Variants in ADGRF1 observed in about 807,000 individuals in gnomAD.
ADGRF1 encodes adhesion G protein-coupled receptor F1, also known as G protein-coupled receptor 110.
A neutral mutation model predicts 87.2 loss-of-function variants in ADGRF1; 85 were observed. That is an observed-to-expected ratio of 0.97 (90% confidence interval 0.82 to 1.17). The LOEUF is 1.17. Among genes scored for constraint, ADGRF1 ranks in the 50% most tolerant of loss-of-function variants. The pLI is 0.00. For synonymous variants in ADGRF1, 430 were observed against 408.8 expected, an observed-to-expected ratio of 1.05 and a Z score of -0.63; for missense variants, 1,169 against 1,077.2, an observed-to-expected ratio of 1.09 and a Z score of -1.19.
rs1186934760 is a variant in ADGRF1 at position 47,012,316 on chromosome 6, T to C, written c.928-121A>G. 4 of 1,456,240 alleles carry C rather than the reference T, an allele frequency of 2.7e-6. No homozygotes were observed. In the East Asian group the frequency reaches 9.6e-5, roughly 35 times the overall value. 90.2% of individuals were successfully genotyped at this position (1,456,240 alleles called of 1,614,324 possible). A position where few individuals can be genotyped will look rare whatever the true frequency, so the allele number is the denominator to read the frequency against. ...TATGGTGTGTTCTAATGTAGGATAA[T>C]TACATAACAATAGTAACAAAGGCTG... On this transcript the variant is annotated intron_variant, in intron 9 of 14. Transcript: ENST00000371253.
intron 13 of ADGRF1, among the ~76,000 whole-genome samples, chr6:47,003,759 T>G (rs2113874905): frequency 6.6e-6 from 1 of 152,266 alleles, no homozygotes; most frequent in South Asian, 2.1e-4. Context: ...CTCCCTAAAA[T>G]GTATAAAATC....
chr6:47,004,504 CTTTTGT>C (rs2113875551), intron 13 of ADGRF1, among the ~76,000 whole-genome samples: 1 of 152,144 alleles, frequency 6.6e-6, no homozygotes, highest in South Asian at 2.1e-4. Flanking sequence ...CTTGCTTTTG[CTTTTGT>C]TTTATTTTAC....
rs2113871981 is a variant in ADGRF1 at position 46,999,899 on chromosome 6, A to C, written c.*323T>G. ...CTTCCTTCAATCCAGATTATTGGAA[A>C]TGCCATGTGAATAATGCTGTTTTAT... is the stretch of plus-strand genomic sequence containing the variant. On this transcript the variant is annotated 3_prime_UTR_variant, in exon 15 of 15. Transcript: ENST00000371253. 1 of 182,216 alleles carries C rather than the reference A, an allele frequency of 5.5e-6. No individual in the cohort carries two copies. The highest frequency in any genetic ancestry group is 1.6e-4 in the South Asian group (1 of 6,274). 11.3% of individuals were successfully genotyped at this position (182,216 alleles called of 1,614,324 possible).
chr6:47,020,120 C>G, intron 7 of ADGRF1: 1 of 1,042,550 alleles, frequency 9.6e-7, no homozygotes, highest in Middle Eastern at 4.5e-4. Context: ...GATCTCCTGC[C>G]TTCTTTCAAG....
At chr6:47,016,867 T>C in intron 7 of ADGRF1, 99 bp from the exon 8 acceptor site, 1 of 1,380,578 alleles carries the variant, frequency 7.2e-7, no homozygotes, top group South Asian at 2.2e-5. Context: ...TCCATAGGAA[T>C]AAAGTAAACA....
intron 13 of ADGRF1, among the ~76,000 whole-genome samples, chr6:47,004,232 C>T (rs955386712): frequency 6.6e-6 from 1 of 152,172 alleles, no homozygotes; most frequent in Non-Finnish European, 1.5e-5. Flanking sequence ...CTCTTTCTCA[C>T]CTTCTCATCA....
chr6:47,027,030 A>T (rs1447013362), intron 3 of ADGRF1, among the ~76,000 whole-genome samples: 2 of 152,210 alleles, frequency 1.3e-5, no homozygotes, highest in Non-Finnish European at 2.9e-5. Flanking sequence ...TAAAATAAAG[A>T]TGACCACTGT....
intron 7 of ADGRF1, chr6:47,020,324 C>T (rs543263231): frequency 2.6e-4 from 244 of 926,822 alleles, no homozygotes; most frequent in African/African-American, 2.5e-3. Flanking sequence ...GAAACCCTGT[C>T]TCTACTAAAA....
rs1780176108 is a variant in ADGRF1, at chr6:47,024,812, A to G, written c.278-595T>C. On this transcript the variant is annotated intron_variant, in intron 4 of 14. Coordinates refer to ENST00000371253, the MANE Select transcript of ADGRF1 (RefSeq NM_153840.4). ...CAACTCAATAAATTCTGAGGTTGGT[A>G]TCAGAAAGCTAACAAACATAAAGCT... is the stretch of plus-strand genomic sequence containing the variant. Among the ~76,000 whole-genome samples the G allele has an allele frequency of 2.0e-5, 3 of 152,266 alleles. No homozygotes were observed. In the South Asian group the frequency reaches 6.2e-4, roughly 32 times the overall value.
At chr6:47,034,095 C>T (rs547451471) in intron 1 of ADGRF1, among the ~76,000 whole-genome samples, 101 of 152,312 alleles carry the variant, frequency 6.6e-4, no homozygotes, top group African/African-American at 2.3e-3. Context: ...ATGAATTACA[C>T]TGTAACCTCA....
intron 6 of ADGRF1, among the ~76,000 whole-genome samples, chr6:47,021,490 T>G (rs906183937): frequency 3.9e-5 from 6 of 152,004 alleles, no homozygotes; most frequent in African/African-American, 1.4e-4. Flanking sequence ...CACCTGAGTA[T>G]CTGGGATTAC....
chr6:47,004,723 C>A (rs1014291867), intron 13 of ADGRF1, among the ~76,000 whole-genome samples: 1 of 152,150 alleles, frequency 6.6e-6, no homozygotes, highest in Non-Finnish European at 1.5e-5. Flanking sequence ...ATTTTTAGTT[C>A]TTCCAGACAT....
intron 1 of ADGRF1, among the ~76,000 whole-genome samples, chr6:47,038,917 G>A (rs1056663374): frequency 2.0e-5 from 3 of 152,160 alleles, no homozygotes; most frequent in African/African-American, 7.2e-5. Context: ...AAGTCTCCAA[G>A]TAGAGTCGGG....
At chr6:47,022,804 CTTT>C (rs11286179) in intron 5 of ADGRF1, among the ~76,000 whole-genome samples, 2 of 119,270 alleles carry the variant, frequency 1.7e-5, no homozygotes, top group Non-Finnish European at 1.7e-5. Flanking sequence ...TTTCTTTTTT[CTTT>C]TTTTTTTTTT....
At chr6:47,029,676 G>T (rs1326516620) in intron 1 of ADGRF1, among the ~76,000 whole-genome samples, 1 of 152,000 alleles carries the variant, frequency 6.6e-6, no homozygotes, top group African/African-American at 2.4e-5. Flanking sequence ...TTATACCCAG[G>T]TTATTTTGCA....
rs80056499 is a variant in ADGRF1 at position 47,030,341 on chromosome 6, C to T, written c.-43-1237G>A. 9.9e-3 allele frequency among the ~76,000 whole-genome samples: 1,515 copies of T among 152,262 alleles called. 9 individuals are homozygous for T. The highest frequency in any genetic ancestry group is 0.017 in the Non-Finnish European group (1,170 of 68,026). Reference sequence around the variant, plus strand: ...GAATGGTCCTCTTATGCCCCACCTTCCTGTTTGCCAAAGACTCCTTGAAAA... The same window carrying T: ...GAATGGTCCTCTTATGCCCCACCTTTCTGTTTGCCAAAGACTCCTTGAAAA... On this transcript the variant is annotated intron_variant, in intron 1 of 14. Coordinates refer to ENST00000371253, the MANE Select transcript of ADGRF1 (RefSeq NM_153840.4).
At chr6:47,018,087 T>G in intron 7 of ADGRF1, 3 of 211,628 alleles carry the variant, frequency 1.4e-5, no homozygotes, top group Non-Finnish European at 2.9e-5. Context: ...AGTCAGAGGA[T>G]TCCCAGTTTG....
chr6:47,039,922 G>A (rs541877868), intron 1 of ADGRF1, among the ~76,000 whole-genome samples: 66 of 151,728 alleles, frequency 4.3e-4, no homozygotes, highest in African/African-American at 1.4e-3. Context: ...GGATTGTGCC[G>A]CTGCACTCCA....
At position 47,000,229 on chromosome 6, in the gene ADGRF1, T is replaced by G; in HGVS notation, c.2726A>C (p.Asn909Thr). 1 of 1,609,022 alleles carries G rather than the reference T, an allele frequency of 6.2e-7. No homozygotes were observed. Among genetic ancestry groups the G allele is most frequent in the Non-Finnish European group, 8.5e-7 (1 of 1,177,106 alleles). ...ATTTTATGATTCCTTGCCTTATTCATTTGAGACAAACTGAGTTAGCATGAT... is the reference window on the plus strand; with the variant it reads ...ATTTTATGATTCCTTGCCTTATTCAGTTGAGACAAACTGAGTTAGCATGAT... ...DNIMLTQFVS[N>T]E The change falls in exon 15 of 15, where the codon AAT (asparagine) becomes ACT (threonine). Residue 909 changes from asparagine (N) to threonine (T), a missense_variant. Physicochemically the swap from Asn to Thr is moderately conservative, Grantham distance 65 (BLOSUM62 0). Coordinates refer to ENST00000371253, the MANE Select transcript of ADGRF1 (RefSeq NM_153840.4).
Sources: allele counts gnomAD v4.1 joint callset (sites outside exome capture counted in the v4.1 genomes callset), GRCh38; gene constraint gnomAD v4.1.1; transcripts MANE v1.5; gene names NCBI Gene and HGNC (gene_info 2026-07-23, HGNC 2026-07-21).